CCSER1: variants seen among roughly 807,000 people sequenced by gnomAD.
CCSER1 encodes serine-rich coiled-coil domain-containing protein 1.
CCSER1 carries 41 observed loss-of-function variants against 82.0 expected under a neutral mutation model. That is an observed-to-expected ratio of 0.50 (90% CI 0.39 to 0.65). CCSER1 has a LOEUF of 0.65. CCSER1 is among the 30% of genes least tolerant of loss of function. The probability of loss-of-function intolerance (pLI) is 0.00; values close to 1 mark genes in which losing one functional copy is unlikely to be tolerated. For synonymous variants in CCSER1, 414 were observed against 383.9 expected (o/e 1.08, Z -0.92); for missense variants, 1,119 against 1,064.2 (o/e 1.05, Z -0.72).
chr4:91,004,750 A>G (rs993846711), intron 9 of CCSER1, among the ~76,000 whole-genome samples: 7 of 152,176 alleles, frequency 4.6e-5, no homozygotes, highest in African/African-American at 1.7e-4. Context: ...TCTCAATTCA[A>G]TGTTTAAGCA....
At chr4:91,503,002 TA>T (rs200188126) in intron 10 of CCSER1, among the ~76,000 whole-genome samples, 82 of 151,990 alleles carry the variant, frequency 5.4e-4, no homozygotes, top group African/African-American at 1.8e-3. Context: ...TGAATTCCAC[TA>T]AAAAAAATTT....
At chr4:90,817,648 A>T (rs551444264) in intron 8 of CCSER1, among the ~76,000 whole-genome samples, 1 of 152,132 alleles carries the variant, frequency 6.6e-6, no homozygotes, top group Non-Finnish European at 1.5e-5. Context: ...ACTTTAAAAA[A>T]AATATAGTTT....
intron 10 of CCSER1, among the ~76,000 whole-genome samples, chr4:91,096,997 G>A (rs748801796): frequency 1.4e-4 from 22 of 152,172 alleles, no homozygotes; most frequent in Admixed American, 5.9e-4. Context: ...TAAATGGAGT[G>A]GGCAAGTTTC....
chr4:91,115,537 G>A (rs1726480887), intron 10 of CCSER1, among the ~76,000 whole-genome samples: 1 of 151,982 alleles, frequency 6.6e-6, no homozygotes, highest in Non-Finnish European at 1.5e-5. Flanking sequence ...ATGTTGGCCA[G>A]GCTGGTCTCC....
chr4:90,839,008 G>T lies in CCSER1; in HGVS notation c.2094+23163G>T, dbSNP rs267600297. 5.0e-6 allele frequency: 8 copies of T among 1,612,442 alleles called. No individual in the cohort carries two copies. The South Asian group carries it at 6.6e-5, about 13-fold the overall frequency. ...TCAGTTTCGGCTTATCGAATTTCTC[G>T]ATCTCAGCCATATCGGGTTTGTCAG... On this transcript the variant is annotated intron_variant, in intron 8 of 10. Coordinates refer to ENST00000509176, the MANE Select transcript of CCSER1 (RefSeq NM_001145065.2).
At chr4:91,521,971 A>G (rs1760497394) in intron 10 of CCSER1, among the ~76,000 whole-genome samples, 1 of 152,146 alleles carries the variant, frequency 6.6e-6, no homozygotes, top group Non-Finnish European at 1.5e-5. Context: ...TATGTCCTGA[A>G]TGGTATTGCC....
chr4:90,920,837 G>C (rs1176043112), intron 8 of CCSER1, among the ~76,000 whole-genome samples: 1 of 151,606 alleles, frequency 6.6e-6, no homozygotes, highest in Non-Finnish European at 1.5e-5. Context: ...TTAATAAAAA[G>C]TTATAAAATA....
intron 5 of CCSER1, among the ~76,000 whole-genome samples, chr4:90,611,008 G>GCT (rs1694704618): frequency 6.7e-6 from 1 of 149,906 alleles, no homozygotes; most frequent in African/African-American, 2.5e-5. Context: ...CTCCTGAGTA[G>GCT]CTGGGTTTAC....
Position 90,486,842 on chromosome 4 carries a change from G to A in CCSER1, c.1724+18488G>A, listed in dbSNP as rs534494760. 1.4e-4 allele frequency among the ~76,000 whole-genome samples: 22 copies of A among 152,290 alleles called. No individual in the cohort carries two copies. The South Asian group carries it at 4.6e-3, about 32-fold the overall frequency. On this transcript the variant is annotated intron_variant, in intron 5 of 10. Coordinates refer to ENST00000509176, the MANE Select transcript of CCSER1 (RefSeq NM_001145065.2). ...CATGTATTGAAGTAAACAGTAAGCT[G>A]AAAAGAAAGCCAGTCCAACTTTTAG...
intron 9 of CCSER1, among the ~76,000 whole-genome samples, chr4:91,053,054 G>T (rs1358810771): frequency 6.6e-6 from 1 of 152,050 alleles, no homozygotes; most frequent in African/African-American, 2.4e-5. Context: ...GTGGGATCAG[G>T]ATGACTAAAC....
chr4:91,050,258 C>T (rs1742877672), intron 9 of CCSER1, among the ~76,000 whole-genome samples: 1 of 152,072 alleles, frequency 6.6e-6, no homozygotes, highest in Non-Finnish European at 1.5e-5. Context: ...TGGTGAAACC[C>T]TGTCTCTATT....
At chr4:90,198,726 T>C (rs1170091658) in intron 1 of CCSER1, among the ~76,000 whole-genome samples, 2 of 152,132 alleles carry the variant, frequency 1.3e-5, no homozygotes, top group Non-Finnish European at 2.9e-5. Context: ...AAGAGACCTT[T>C]CGATGATAAT....
chr4:91,279,612 ATC>A (rs1161260202), intron 10 of CCSER1, among the ~76,000 whole-genome samples: 1 of 151,922 alleles, frequency 6.6e-6, no homozygotes, highest in Non-Finnish European at 1.5e-5. Context: ...TGTGATATCT[ATC>A]TCTTTGGTAA....
intron 10 of CCSER1, among the ~76,000 whole-genome samples, chr4:91,129,182 A>G (rs564301225): frequency 6.6e-6 from 1 of 152,220 alleles, no homozygotes; most frequent in Non-Finnish European, 1.5e-5. Context: ...AATTTTACCC[A>G]GTAAAAAACT....
In CCSER1 at chr4:91,307,468, G is replaced by T. The variant is rs567370389; in HGVS notation, c.2217+221474G>T. Among the ~76,000 whole-genome samples, 13 of 151,952 alleles carry T rather than the reference G, an allele frequency of 8.6e-5. No individual in the cohort carries two copies. The South Asian group carries it at 1.5e-3, about 17-fold the overall frequency. ...TTTAAGCAAATTGTTACAGCTGTAA[G>T]CAAATTTTTACAACTGTAAGCAAAT... On this transcript the variant is annotated intron_variant, in intron 10 of 10. Coordinates refer to ENST00000509176, the MANE Select transcript of CCSER1 (RefSeq NM_001145065.2).
chr4:90,454,687 T>A (rs1165646042), intron 4 of CCSER1, among the ~76,000 whole-genome samples: 2 of 152,138 alleles, frequency 1.3e-5, no homozygotes, highest in Non-Finnish European at 2.9e-5. Flanking sequence ...TCCCCCAAAT[T>A]ATCTGCTGCT....
chr4:91,277,178 G>C (rs1742534319), intron 10 of CCSER1, among the ~76,000 whole-genome samples: 1 of 152,086 alleles, frequency 6.6e-6, no homozygotes, highest in African/African-American at 2.4e-5. Flanking sequence ...GAGTTAGCAA[G>C]AATTCCCTTC....
At chr4:90,162,051 T>C (rs1040596132) in intron 1 of CCSER1, among the ~76,000 whole-genome samples, 2 of 152,060 alleles carry the variant, frequency 1.3e-5, no homozygotes, top group African/African-American at 4.8e-5. Context: ...CAAAAAGCTA[T>C]GGTATTTTGG....
intron 9 of CCSER1, among the ~76,000 whole-genome samples, chr4:90,949,078 C>T (rs1368474358): frequency 1.3e-5 from 2 of 152,040 alleles, no homozygotes; most frequent in African/African-American, 4.8e-5. Flanking sequence ...TTAGGATTAT[C>T]TTATAAATTT....
Sources: gnomAD v4.1 joint callset for allele counts (sites outside exome capture counted in the v4.1 genomes callset) on GRCh38, gnomAD v4.1.1 for gene constraint, MANE v1.5 for transcripts, NCBI Gene and HGNC (gene_info 2026-07-23, HGNC 2026-07-21) for gene names.